ASAP2: variants seen among roughly 807,000 people sequenced by gnomAD.
ASAP2 encodes arf-GAP with SH3 domain, ANK repeat and PH domain-containing protein 2.
A neutral mutation model predicts 131.4 loss-of-function variants in ASAP2; 45 were observed. The ratio of observed to expected loss-of-function variants is 0.34; its 90% CI spans 0.27 to 0.44. The LOEUF (loss-of-function observed/expected upper bound fraction) is 0.44, where lower values mean the gene tolerates loss of function less well. Ranked by LOEUF, ASAP2 falls within the 20% of genes least tolerant of loss-of-function variation. ASAP2 has a pLI of 1.00. For missense variants in ASAP2, 1,011 were observed against 1,297.0 expected (o/e 0.78, Z 3.39); for synonymous variants, 510 against 503.0 (o/e 1.01, Z -0.19).
Position 9,388,280 on chromosome 2 carries a change from A to G in ASAP2, c.2131-14A>G, listed in dbSNP as rs773783386. 19 of 1,612,928 alleles carry G rather than the reference A, an allele frequency of 1.2e-5. No homozygotes were observed. Among genetic ancestry groups the G allele is most frequent in the South Asian group, 2.2e-5 (2 of 90,956 alleles). ...ATTTGTCTCACACGCCTCTGCCCCA[A>G]TGTTCTCCTGCAGCCCAGTCCCAAC... On this transcript the variant is annotated splice_polypyrimidine_tract_variant and intron_variant, in intron 21 of 27. Transcript: ENST00000281419.
rs1019643073 is a variant in ASAP2 at position 9,392,259 on chromosome 2, ACTAAAGT to A, written c.2518+1066_2518+1072del. Among the ~76,000 whole-genome samples the A allele has an allele frequency of 2.0e-5, 3 of 152,216 alleles. No individual in the cohort carries two copies. Among genetic ancestry groups the A allele is most frequent in the African/African-American group, 4.8e-5 (2 of 41,452 alleles). The stretch of plus-strand genomic sequence containing the variant: ...AAGAAGTTTTTCTCCAGTGTACAGA[ACTAAAGT>A]CTTTTTTCACTGGATCAGAGAAGCG... On this transcript the variant is annotated intron_variant, in intron 23 of 27. Coordinates refer to ENST00000281419, the MANE Select transcript of ASAP2 (RefSeq NM_003887.3). The surrounding 1 kb of genome is among the most constrained non-coding windows in gnomAD (Gnocchi z 4.0).
chr2:9,240,127 C>T (rs1165156166), intron 1 of ASAP2, among the ~76,000 whole-genome samples: 2 of 152,170 alleles, frequency 1.3e-5, no homozygotes, highest in East Asian at 3.9e-4. Context: ...ACTGAAGCCC[C>T]ATTATCCCTG....
intron 20 of ASAP2, among the ~76,000 whole-genome samples, chr2:9,382,192 C>A: frequency 6.6e-6 from 1 of 152,156 alleles, no homozygotes; most frequent in East Asian, 1.9e-4. Flanking sequence ...CCATATTGGT[C>A]AGGCTGGTCT....
chr2:9,373,831 C>T (rs1319000254), intron 16 of ASAP2, among the ~76,000 whole-genome samples: 1 of 152,210 alleles, frequency 6.6e-6, no homozygotes, highest in Non-Finnish European at 1.5e-5. Context: ...CAGTGACCCT[C>T]AACCTTCAGA....
intron 15 of ASAP2, 149 bp from the exon 16 acceptor site, chr2:9,368,276 G>C: frequency 2.9e-6 from 2 of 686,026 alleles, no homozygotes; most frequent in Non-Finnish European, 4.9e-6. Flanking sequence ...TTTGGGCTTT[G>C]GGTTTTGTCC....
At chr2:9,348,687 T>C (rs965039714) in intron 11 of ASAP2, among the ~76,000 whole-genome samples, 1 of 152,236 alleles carries the variant, frequency 6.6e-6, no homozygotes, top group African/African-American at 2.4e-5. Context: ...TTATTCCTAC[T>C]TCAAACAAAG....
Position 9,279,348 on chromosome 2 carries a change from A to G in ASAP2, c.158A>G (p.Lys53Arg), listed in dbSNP as rs775923014. Residue 53 changes from lysine (K) to arginine (R), a missense_variant, in exon 2 of 28, where the codon AAA becomes AGA. Lys to Arg is a conservative substitution (Grantham distance 26, BLOSUM62 2). Around this residue, in one of 2 missense-constraint regions of ASAP2, gnomAD observed 359 missense variants for 598.1 expected, o/e 0.60. Coordinates refer to ENST00000281419, the MANE Select transcript of ASAP2 (RefSeq NM_003887.3). The stretch of plus-strand genomic sequence containing the variant: ...GACGTGGACCGGATGGTTCTTTACA[A>G]AATGAAGAAATCCGTGAAAGCAATC... ...ALDVDRMVLY[K>R]MKKSVKAINS... 6.2e-7 allele frequency: 1 copy of G among 1,614,220 alleles called. No homozygotes were observed. Among genetic ancestry groups the G allele is most frequent in the South Asian group, 1.1e-5 (1 of 91,084 alleles).
intron 1 of ASAP2, among the ~76,000 whole-genome samples, chr2:9,220,807 GATCC>G (rs1662362691): frequency 6.6e-6 from 1 of 152,076 alleles, no homozygotes; most frequent in Non-Finnish European, 1.5e-5. Context: ...TTAGGTCTTT[GATCC>G]ATTTTGAGTT....
intron 21 of ASAP2, among the ~76,000 whole-genome samples, chr2:9,386,548 T>C (rs544039498): frequency 6.6e-6 from 1 of 152,346 alleles, no homozygotes; most frequent in South Asian, 2.1e-4. Context: ...TCCACGCTGC[T>C]CACCTGATTC....
At chr2:9,257,978 A>G (rs1351736383) in intron 1 of ASAP2, among the ~76,000 whole-genome samples, 1 of 152,202 alleles carries the variant, frequency 6.6e-6, no homozygotes, top group Non-Finnish European at 1.5e-5. Flanking sequence ...TTGGAGAGTC[A>G]TGTGCCATAA....
intron 1 of ASAP2, among the ~76,000 whole-genome samples, chr2:9,269,128 T>C (rs2148245174): frequency 6.6e-6 from 1 of 152,098 alleles, no homozygotes; most frequent in African/African-American, 2.4e-5. Flanking sequence ...TGTAGGTACT[T>C]ACATAAGAGA....
chr2:9,243,400 G>T (rs540812146), intron 1 of ASAP2, among the ~76,000 whole-genome samples: 2 of 152,314 alleles, frequency 1.3e-5, no homozygotes, highest in African/African-American at 4.8e-5. Context: ...GAGCCACCGT[G>T]CCCGGCCTAA....
At chr2:9,222,872 G>C (rs1235940278) in intron 1 of ASAP2, among the ~76,000 whole-genome samples, 1 of 152,102 alleles carries the variant, frequency 6.6e-6, no homozygotes, top group Non-Finnish European at 1.5e-5. Flanking sequence ...GCTTATGCTG[G>C]AACCTAATCA....
At chr2:9,249,084 G>T (rs1002446760) in intron 1 of ASAP2, among the ~76,000 whole-genome samples, 1 of 152,224 alleles carries the variant, frequency 6.6e-6, no homozygotes, top group African/African-American at 2.4e-5. Flanking sequence ...GCTGGGCTGG[G>T]CATGTAGGGG....
chr2:9,328,036 T>C (rs1299411493), intron 7 of ASAP2, 125 bp downstream of exon 7: 1 of 630,992 alleles, frequency 1.6e-6, no homozygotes, highest in Non-Finnish European at 2.5e-6. Flanking sequence ...AATGAGGTGC[T>C]GACTCATGCG....
At chr2:9,288,342 G>T (rs1420498282) in intron 2 of ASAP2, among the ~76,000 whole-genome samples, 1 of 152,156 alleles carries the variant, frequency 6.6e-6, no homozygotes, top group Non-Finnish European at 1.5e-5. Context: ...AGTGTTCATG[G>T]TAGCTACTAT....
chr2:9,323,872 A>G (rs1410270979), intron 6 of ASAP2, among the ~76,000 whole-genome samples: 2 of 152,236 alleles, frequency 1.3e-5, no homozygotes, highest in Admixed American at 6.5e-5. Flanking sequence ...CTCTGAGATC[A>G]GAGACCATGG....
intron 27 of ASAP2, among the ~76,000 whole-genome samples, 169 bp downstream of exon 27, chr2:9,401,565 C>T (rs955697396): frequency 6.6e-6 from 1 of 152,194 alleles, no homozygotes; most frequent in African/African-American, 2.4e-5. Flanking sequence ...TCCATGGACA[C>T]CCCCTTCTGA....
chr2:9,233,798 A>T (rs1355671203), intron 1 of ASAP2, among the ~76,000 whole-genome samples: 1 of 152,214 alleles, frequency 6.6e-6, no homozygotes, highest in Non-Finnish European at 1.5e-5. Context: ...AGGTACTGTC[A>T]TCATCCCCAT....
Sources: allele counts gnomAD v4.1 joint callset (sites outside exome capture counted in the v4.1 genomes callset), GRCh38; gene constraint gnomAD v4.1.1; regional missense constraint gnomAD v4.1.1; non-coding constraint Gnocchi (gnomAD v3.1); transcripts MANE v1.5; gene names NCBI Gene and HGNC (gene_info 2026-07-23, HGNC 2026-07-21).